JHY: variants seen among roughly 807,000 people sequenced by gnomAD.
The protein encoded by JHY is junctional cadherin complex regulator.
Under a neutral mutation model 78.0 loss-of-function variants are expected in JHY, and 69 were observed. The ratio of observed to expected loss-of-function variants is 0.88; its 90% CI spans 0.73 to 1.08. The LOEUF is 1.08. Ranked by LOEUF, JHY falls within the 50% of genes least tolerant of loss-of-function variation. The pLI is 0.00. For synonymous variants in JHY, 368 were observed against 342.6 expected, an observed-to-expected ratio of 1.07 and a Z score of -0.82; for missense variants, 944 against 927.8, an observed-to-expected ratio of 1.02 and a Z score of -0.23.
At chr11:122,931,560 ATC>A (rs1828928307) in intron 4 of JHY, among the ~76,000 whole-genome samples, 2 of 152,198 alleles carry the variant, frequency 1.3e-5, no homozygotes, top group Admixed American at 1.3e-4. Context: ...TGGAATTTGT[ATC>A]TCGGGCTTAA....
chr11:122,937,758 T>A (rs533400345), intron 5 of JHY, among the ~76,000 whole-genome samples: 228 of 152,300 alleles, frequency 1.5e-3, no homozygotes, highest in African/African-American at 5.2e-3. Context: ...TTCCCGTTTT[T>A]TCCATCCCCG....
At chr11:122,928,329 A>T (rs1158226899) in intron 4 of JHY, among the ~76,000 whole-genome samples, 6 of 152,198 alleles carry the variant, frequency 3.9e-5, no homozygotes, top group Non-Finnish European at 8.8e-5. Context: ...AAATGCAGAT[A>T]AAAAGATTAT....
At chr11:122,896,789 A>G (rs899781804) in intron 2 of JHY, among the ~76,000 whole-genome samples, 28 of 152,232 alleles carry the variant, frequency 1.8e-4, no homozygotes, top group African/African-American at 6.5e-4. Flanking sequence ...GTGCTTCCAC[A>G]GGTAGTCCTC....
chr11:122,913,036 A>G (rs1332629549), intron 3 of JHY, among the ~76,000 whole-genome samples: 2 of 152,064 alleles, frequency 1.3e-5, no homozygotes, highest in African/African-American at 2.4e-5. Flanking sequence ...CCTCAAAATG[A>G]AAGAGATATA....
intron 8 of JHY, 133 bp from the exon 9 acceptor site, chr11:122,959,115 C>T: frequency 2.2e-6 from 3 of 1,370,306 alleles, no homozygotes; most frequent in Non-Finnish European, 2.9e-6. Context: ...GTTTGATCTC[C>T]ATTTCCACCA....
chr11:122,897,663 C>G (rs1862765733), intron 2 of JHY, among the ~76,000 whole-genome samples: 1 of 152,212 alleles, frequency 6.6e-6, no homozygotes, highest in Non-Finnish European at 1.5e-5. Context: ...TTCTTAGATG[C>G]TCTGCTGTAC....
intron 2 of JHY, among the ~76,000 whole-genome samples, chr11:122,887,486 C>T (rs183536184): frequency 1.1e-4 from 17 of 152,218 alleles, no homozygotes; most frequent in Admixed American, 3.3e-4. Flanking sequence ...CCACGCCCAG[C>T]TAATTTTTGC....
At position 122,946,758 on chromosome 11, in the gene JHY, AGGG is replaced by A. The variant is rs1163745914; in HGVS notation, c.1896_1898del (p.Gly633del). ...GAAGGCTATCTGTTTCAACTGGAAA[AGGG>A]AAAAAAGCATAAGAAAAGAAGCAGC... On this transcript the variant is annotated inframe_deletion, in exon 6 of 9. Transcript: ENST00000227349. 1.2e-6 allele frequency: 2 copies of A among 1,612,922 alleles called. No individual in the cohort carries two copies. Among genetic ancestry groups the A allele is most frequent in the Admixed American group, 1.7e-5 (1 of 59,722 alleles).
Position 122,961,916 on chromosome 11 carries a change from A to G in JHY, c.*2471A>G, listed in dbSNP as rs1565343789. Among the ~76,000 whole-genome samples, 1 of 152,204 alleles carries G rather than the reference A, an allele frequency of 6.6e-6. No individual in the cohort carries two copies. Among genetic ancestry groups the G allele is most frequent in the South Asian group, 2.1e-4 (1 of 4,824 alleles). On this transcript the variant is annotated 3_prime_UTR_variant, in exon 9 of 9. Transcript: ENST00000227349. ...TAGAAACCCTCCAACAAGTCCAGAA[A>G]CACCTAATGCAGGCAACTCTGAGAG...
At chr11:122,952,120 A>T (rs1864100527) in intron 6 of JHY, among the ~76,000 whole-genome samples, 1 of 151,824 alleles carries the variant, frequency 6.6e-6, no homozygotes. Context: ...CAGAAAGTAG[A>T]TTAGTGGTTG....
At position 122,959,481 on chromosome 11, in the gene JHY, AGGAAT is replaced by A. The variant is rs747352506; in HGVS notation, c.*38_*42del. On this transcript the variant is annotated 3_prime_UTR_variant, in exon 9 of 9. Transcript: ENST00000227349. ...ATAGGAAGGAGACCAAAAATGGTCC[AGGAAT>A]GAACGTGGAGAAAAGAAACGCCAAC... The A allele has an allele frequency of 1.3e-6, 2 of 1,592,462 alleles. No homozygotes were observed. Among genetic ancestry groups the A allele is most frequent in the East Asian group, 4.5e-5 (2 of 44,576 alleles).
intron 3 of JHY, chr11:122,905,986 CA>C (rs1428215789): frequency 6.6e-6 from 1 of 151,666 alleles, no homozygotes; most frequent in Non-Finnish European, 1.5e-5. Flanking sequence ...ACATCTTTGC[CA>C]CTGTAACTAA....
chr11:122,907,050 C>T (rs965883459), intron 3 of JHY, among the ~76,000 whole-genome samples: 10 of 151,924 alleles, frequency 6.6e-5, no homozygotes, highest in Non-Finnish European at 1.3e-4. Context: ...ATGCAGGATT[C>T]GATCATCACA....
chr11:122,939,180 G>T (rs1159243373), intron 5 of JHY, among the ~76,000 whole-genome samples: 1 of 152,026 alleles, frequency 6.6e-6, no homozygotes, highest in Non-Finnish European at 1.5e-5. Flanking sequence ...TAGAGACAGG[G>T]TTTCACCATG....
rs541783767 is a variant in JHY at position 122,957,230 on chromosome 11, T to C, written c.2011-133T>C. The C allele has an allele frequency of 6.0e-5, 58 of 960,820 alleles. No individual in the cohort carries two copies. The African/African-American group carries it at 9.5e-4, about 16-fold the overall frequency. The allele number at this position is 960,820 out of a possible 1,614,324, so 59.5% of individuals were successfully genotyped here. ...AACCATTTCACTGCTGCCACCTTACTCAAGGTGATCCCATTGCTCCTGTAC... is the reference window on the plus strand; with the variant it reads ...AACCATTTCACTGCTGCCACCTTACCCAAGGTGATCCCATTGCTCCTGTAC... On this transcript the variant is annotated intron_variant, in intron 7 of 8. Coordinates refer to ENST00000227349, the MANE Select transcript of JHY (RefSeq NM_024806.4).
At chr11:122,925,532 A>G (rs1863477958) in intron 4 of JHY, among the ~76,000 whole-genome samples, 1 of 152,200 alleles carries the variant, frequency 6.6e-6, no homozygotes, top group African/African-American at 2.4e-5. Context: ...CTTTGAAATC[A>G]TAAATGTGAT....
chr11:122,939,144 C>G (rs561010168), intron 5 of JHY, among the ~76,000 whole-genome samples: 4 of 152,090 alleles, frequency 2.6e-5, no homozygotes, highest in African/African-American at 9.7e-5. Flanking sequence ...CCCATCACCA[C>G]GCCTGGCTAG....
rs932494139 is a variant in JHY, at chr11:122,959,554, A to G, written c.*109A>G. On this transcript the variant is annotated 3_prime_UTR_variant, in exon 9 of 9. Coordinates refer to ENST00000227349, the MANE Select transcript of JHY (RefSeq NM_024806.4). ...GAGTAATGGCCTATTATTATCATCT[A>G]TCTGCCGTCCATGTTTGCTTTCTGC... The G allele has an allele frequency of 2.9e-6, 3 of 1,040,628 alleles. No individual in the cohort carries two copies. The highest frequency in any genetic ancestry group is 2.1e-4 in the Middle Eastern group (1 of 4,702). The allele number at this position is 1,040,628 out of a possible 1,614,324, so 64.5% of individuals were successfully genotyped here.
In JHY at chr11:122,956,559, G is replaced by A. The variant is rs763715058; in HGVS notation, c.1993G>A (p.Glu665Lys). 7 of 1,613,468 alleles carry A rather than the reference G, an allele frequency of 4.3e-6. No individual in the cohort carries two copies. The South Asian group carries it at 7.7e-5, about 18-fold the overall frequency. Residue 665 changes from glutamate to lysine, a missense_variant, in exon 7 of 9, where the codon GAG becomes AAG. Transcript: ENST00000227349. ...VKLGGLGPDFESIRDKTQKLI... is the reference protein window; with the variant it reads ...VKLGGLGPDFKSIRDKTQKLI... ...GCTTGGAGGCCTCGGACCTGACTTT[G>A]AGTCCATCAGAGACAAAGTGAGTGA...
Sources: allele counts gnomAD v4.1 joint callset (sites outside exome capture counted in the v4.1 genomes callset), GRCh38; gene constraint gnomAD v4.1.1; transcripts MANE v1.5; gene names NCBI Gene and HGNC (gene_info 2026-07-23, HGNC 2026-07-21).